The following XPR1 variants were observed in gnomAD, a reference collection of about 807,000 sequenced individuals.
XPR1 encodes the protein xenotropic and polytropic retrovirus receptor 1.
XPR1 carries 28 observed loss-of-function variants against 87.5 expected under a neutral mutation model. That is an observed-to-expected ratio of 0.32 (90% CI 0.24 to 0.44). XPR1 has a LOEUF of 0.44. Ranked by LOEUF, XPR1 falls within the 20% of genes least tolerant of loss-of-function variation. XPR1 has a pLI of 1.00. For synonymous variants in XPR1, 300 were observed against 306.1 expected (o/e 0.98, Z 0.21); for missense variants, 559 against 862.3 (o/e 0.65, Z 4.41).
At chr1:180,657,526 G>T (rs1481078603) in intron 1 of XPR1, among the ~76,000 whole-genome samples, 1 of 152,174 alleles carries the variant, frequency 6.6e-6, no homozygotes, top group Non-Finnish European at 1.5e-5. Context: ...AGTTTTCCCA[G>T]TACCACTTAC....
chr1:180,784,068 T>A (rs1450996971), intron 2 of XPR1, among the ~76,000 whole-genome samples: 2 of 151,646 alleles, frequency 1.3e-5, no homozygotes, highest in East Asian at 3.9e-4. Flanking sequence ...AAAAAACAAA[T>A]GGTGAATGAA....
In XPR1 at chr1:180,776,232, G is replaced by A. The variant is rs1648711425; in HGVS notation, c.122-11521G>A. ...CCATGTGGCTTTTGGAAAATACATA[G>A]GCATTCAAAGATTGACATTGCTGCA... is the stretch of plus-strand genomic sequence containing the variant. On this transcript the variant is annotated intron_variant, in intron 2 of 14. Transcript: ENST00000367590. Among the ~76,000 whole-genome samples, 3 of 151,866 alleles carry A rather than the reference G, an allele frequency of 2.0e-5. No individual in the cohort carries two copies. The South Asian group carries it at 6.2e-4, about 32-fold the overall frequency.
In XPR1 at chr1:180,798,857, A is replaced by C. The variant is rs1436311971; in HGVS notation, c.224-4531A>C. 4.6e-5 allele frequency among the ~76,000 whole-genome samples: 7 copies of C among 152,178 alleles called. No homozygotes were observed. The South Asian group carries it at 1.5e-3, about 32-fold the overall frequency. ...TCCAACTACTGGCCTCAAGTGATCC[A>C]CCTGCCTCAGCCTCCCAGAGTGTTG... On this transcript the variant is annotated intron_variant, in intron 3 of 14. Transcript: ENST00000367590.
chr1:180,639,158 G>T (rs1029125987), intron 1 of XPR1, among the ~76,000 whole-genome samples: 2 of 152,108 alleles, frequency 1.3e-5, no homozygotes, highest in Non-Finnish European at 2.9e-5. Context: ...TTAGCTGGGT[G>T]TGGTGGCGTG....
At chr1:180,634,359 G>A (rs866879677) in intron 1 of XPR1, among the ~76,000 whole-genome samples, 1 of 152,130 alleles carries the variant, frequency 6.6e-6, no homozygotes, top group African/African-American at 2.4e-5. Flanking sequence ...TAAATGAGGC[G>A]CACTTTTCTT....
At chr1:180,694,832 G>A (rs1339664199) in intron 2 of XPR1, among the ~76,000 whole-genome samples, 1 of 151,670 alleles carries the variant, frequency 6.6e-6, no homozygotes, top group Non-Finnish European at 1.5e-5. Flanking sequence ...TTCATCTGTT[G>A]ATTCCATATC....
Position 180,824,868 on chromosome 1 carries a change from A to G in XPR1, c.879A>G (p.Arg293=). The G allele has an allele frequency of 6.2e-7, 1 of 1,614,082 alleles. No homozygotes were observed. Among genetic ancestry groups the G allele is most frequent in the Non-Finnish European group, 8.5e-7 (1 of 1,179,992 alleles). Residue 293 remains arginine (R), a synonymous_variant, in exon 8 of 15, where the codon AGA becomes AGG. Coordinates refer to ENST00000367590, the MANE Select transcript of XPR1 (RefSeq NM_004736.4). ...FLLGINTYGW[R]QAGVNHVLIF... The stretch of plus-strand genomic sequence containing the variant: ...TGGGCATCAACACGTATGGTTGGAG[A>G]CAGGCTGGAGTAAACCATGTACTCA...
intron 1 of XPR1, among the ~76,000 whole-genome samples, chr1:180,656,490 T>TTATATATTATATATAATA (rs1295366069): frequency 9.4e-5 from 1 of 10,662 alleles, no homozygotes; most frequent in African/African-American, 2.4e-4. Context: ...TATATAATAT[T>TTATATATTATATATAATA]TATATATTAT....
intron 12 of XPR1, 140 bp downstream of exon 12, chr1:180,864,014 C>A: frequency 1.6e-6 from 1 of 636,238 alleles, no homozygotes. Flanking sequence ...CTAATTCATT[C>A]GGTCAGCAAA....
chr1:180,807,236 T>C lies in XPR1; in HGVS notation c.681+679T>C, dbSNP rs1284134392. On this transcript the variant is annotated intron_variant, in intron 6 of 14. Coordinates refer to ENST00000367590, the MANE Select transcript of XPR1 (RefSeq NM_004736.4). Reference sequence around the variant, plus strand: ...AGTGCGGTAAGGGAAGAAAAAGAAATAAAAGACATTCAGGGTAGAAACGAA... The same window carrying C: ...AGTGCGGTAAGGGAAGAAAAAGAAACAAAAGACATTCAGGGTAGAAACGAA... Among the ~76,000 whole-genome samples the C allele has an allele frequency of 2.0e-5, 3 of 152,224 alleles. No individual in the cohort carries two copies. The East Asian group carries it at 5.8e-4, about 29-fold the overall frequency.
intron 2 of XPR1, chr1:180,758,707 C>G (rs1425966896): frequency 6.6e-6 from 1 of 152,254 alleles, no homozygotes; most frequent in Non-Finnish European, 1.5e-5. Flanking sequence ...GACTCCATCT[C>G]AAAGAAAAAA....
At chr1:180,743,419 T>G (rs1193063513) in intron 2 of XPR1, among the ~76,000 whole-genome samples, 1 of 152,084 alleles carries the variant, frequency 6.6e-6, no homozygotes, top group Non-Finnish European at 1.5e-5. Context: ...ATAGGTCTCT[T>G]TCCCTTTCCT....
chr1:180,866,470 G>C (rs1322526505), intron 12 of XPR1, among the ~76,000 whole-genome samples: 1 of 152,112 alleles, frequency 6.6e-6, no homozygotes, highest in African/African-American at 2.4e-5. Context: ...TGTGTCTCTT[G>C]ACCTCAAAGA....
rs1246845621 is a variant in XPR1 at position 180,672,401 on chromosome 1, A to C, written c.70-9959A>C. 3.3e-5 allele frequency among the ~76,000 whole-genome samples: 5 copies of C among 152,300 alleles called. No homozygotes were observed. The East Asian group carries it at 9.6e-4, about 29-fold the overall frequency. ...AAATTTTAATATGAGAATTTGTGTA[A>C]GAGTTTTTCTTGGCTTTGCTGATTT... On this transcript the variant is annotated intron_variant, in intron 1 of 14. Coordinates refer to ENST00000367590, the MANE Select transcript of XPR1 (RefSeq NM_004736.4).
chr1:180,646,747 C>T lies in XPR1; in HGVS notation c.69+14477C>T, dbSNP rs1026282548. ...ACCGAAACTGTGACCGAGACAAATGCGCAGTGCAGGAAAGAGGCGTGGGTG... is the reference window on the plus strand; with the variant it reads ...ACCGAAACTGTGACCGAGACAAATGTGCAGTGCAGGAAAGAGGCGTGGGTG... On this transcript the variant is annotated intron_variant, in intron 1 of 14. Coordinates refer to ENST00000367590, the MANE Select transcript of XPR1 (RefSeq NM_004736.4). Among the ~76,000 whole-genome samples the T allele has an allele frequency of 2.0e-4, 31 of 152,176 alleles. 1 individual carries two copies. The highest frequency in any genetic ancestry group is 6.8e-3 in the Middle Eastern group (2 of 294).
intron 2 of XPR1, among the ~76,000 whole-genome samples, chr1:180,758,191 G>A (rs1421801460): frequency 6.7e-6 from 1 of 149,784 alleles, no homozygotes; most frequent in Non-Finnish European, 1.5e-5. Flanking sequence ...TGTCCTTTAC[G>A]GCAATATGGA....
chr1:180,749,234 A>G (rs1301704828), intron 2 of XPR1, among the ~76,000 whole-genome samples: 1 of 152,232 alleles, frequency 6.6e-6, no homozygotes, highest in Non-Finnish European at 1.5e-5. Flanking sequence ...ATTGATGTAG[A>G]AAATGCCAAT....
chr1:180,818,327 GTTT>G (rs76651863), intron 7 of XPR1, among the ~76,000 whole-genome samples: 1 of 139,498 alleles, frequency 7.2e-6, no homozygotes, highest in Admixed American at 7.2e-5. Flanking sequence ...TTCTGTTTGG[GTTT>G]TTTTTTTTTT....
At chr1:180,772,290 G>A (rs1046684087) in intron 2 of XPR1, among the ~76,000 whole-genome samples, 3 of 152,084 alleles carry the variant, frequency 2.0e-5, no homozygotes, top group Non-Finnish European at 2.9e-5. Flanking sequence ...GTATCTTAAG[G>A]TATTCCAGGC....
Sources: gnomAD v4.1 joint callset for allele counts (sites outside exome capture counted in the v4.1 genomes callset) on GRCh38, gnomAD v4.1.1 for gene constraint, MANE v1.5 for transcripts, NCBI Gene and HGNC (gene_info 2026-07-23, HGNC 2026-07-21) for gene names.